CPEB4: variants seen among roughly 807,000 people sequenced by gnomAD.
CPEB4 encodes cytoplasmic polyadenylation element-binding protein 4.
A neutral mutation model predicts 72.5 loss-of-function variants in CPEB4; 12 were observed. The observed-to-expected ratio is 0.17, with a 90% CI of 0.11 to 0.27. The LOEUF is 0.27. CPEB4 is among the 10% of genes least tolerant of loss of function. CPEB4 has a pLI of 1.00. For missense variants in CPEB4, 614 were observed against 908.5 expected (o/e 0.68, Z 4.17); for synonymous variants, 302 against 326.3 (o/e 0.93, Z 0.80).
intron 2 of CPEB4, among the ~76,000 whole-genome samples, chr5:173,918,917 T>G (rs546202812): frequency 6.6e-6 from 1 of 152,178 alleles, no homozygotes; most frequent in Non-Finnish European, 1.5e-5. Flanking sequence ...GAAAATCGGT[T>G]ATCGTTTTAT....
chr5:173,952,925 A>G (rs1192928173), intron 8 of CPEB4, among the ~76,000 whole-genome samples, 166 bp from the exon 9 acceptor site: 1 of 152,240 alleles, frequency 6.6e-6, no homozygotes, highest in East Asian at 1.9e-4. Context: ...CAATTAAAAG[A>G]TTAAGGCTTA....
intron 2 of CPEB4, among the ~76,000 whole-genome samples, chr5:173,926,319 T>C (rs1025725530): frequency 1.3e-5 from 2 of 152,250 alleles, no homozygotes; most frequent in African/African-American, 4.8e-5. Flanking sequence ...TCTCCTTTTA[T>C]TTTTTGACTT....
intron 2 of CPEB4, among the ~76,000 whole-genome samples, chr5:173,923,243 C>A (rs1037765637): frequency 6.6e-6 from 1 of 152,184 alleles, no homozygotes; most frequent in Non-Finnish European, 1.5e-5. Context: ...CTTCAGTAAA[C>A]AGTTTTAATG....
At chr5:173,898,016 G>T (rs1474997980) in intron 1 of CPEB4, among the ~76,000 whole-genome samples, 1 of 152,112 alleles carries the variant, frequency 6.6e-6, no homozygotes, top group Non-Finnish European at 1.5e-5. Flanking sequence ...TTTACAAATG[G>T]AATTATTCAA....
At chr5:173,911,330 C>T (rs187540348) in intron 2 of CPEB4, among the ~76,000 whole-genome samples, 46 of 150,216 alleles carry the variant, frequency 3.1e-4, no homozygotes, top group Non-Finnish European at 3.0e-5. Flanking sequence ...AGTGCAGTGG[C>T]GTGATCACTG....
intron 2 of CPEB4, among the ~76,000 whole-genome samples, chr5:173,920,277 T>A (rs1176842847): frequency 3.3e-5 from 5 of 152,216 alleles, no homozygotes; most frequent in African/African-American, 1.2e-4. Flanking sequence ...TGCCAGTTGC[T>A]GTGTATTGGA....
At chr5:173,911,265 G>A (rs1456895161) in intron 2 of CPEB4, among the ~76,000 whole-genome samples, 1 of 151,118 alleles carries the variant, frequency 6.6e-6, no homozygotes, top group Non-Finnish European at 1.5e-5. Flanking sequence ...TGGGGTGCGG[G>A]CTTGCATGTT....
chr5:173,894,394 G>A (rs546564235), intron 1 of CPEB4, among the ~76,000 whole-genome samples: 1 of 152,164 alleles, frequency 6.6e-6, no homozygotes, highest in Non-Finnish European at 1.5e-5. Context: ...GCTGAAGTGG[G>A]CGGATCACTT....
In CPEB4 at chr5:173,890,743, A is replaced by C; in HGVS notation, c.1010A>C (p.Asn337Thr). 6.2e-7 allele frequency: 1 copy of C among 1,614,068 alleles called. No individual in the cohort carries two copies. The highest frequency in any genetic ancestry group is 1.1e-5 in the South Asian group (1 of 91,086). Residue 337 changes from asparagine (N) to threonine (T), a missense_variant, in exon 1 of 10, where the codon AAT (asparagine) becomes ACT (threonine). Coordinates refer to ENST00000265085, the MANE Select transcript of CPEB4 (RefSeq NM_030627.4). ...AACTCCATCTCGCCTTTGAAGAAAA[A>C]TTTTGCAAGCAATCATATTCAGCTC... is the stretch of plus-strand genomic sequence containing the variant. ...PLNSISPLKK[N>T]FASNHIQLQK...
intron 2 of CPEB4, among the ~76,000 whole-genome samples, chr5:173,916,834 T>A (rs1756886166): frequency 6.6e-6 from 1 of 152,238 alleles, no homozygotes; most frequent in Non-Finnish European, 1.5e-5. Flanking sequence ...ATAAAAGTTT[T>A]TTTTATATCA....
chr5:173,912,924 A>AAAG (rs985934488), intron 2 of CPEB4, among the ~76,000 whole-genome samples: 7 of 151,398 alleles, frequency 4.6e-5, no homozygotes, highest in African/African-American at 1.5e-4. Context: ...GTCTCAAAAA[A>AAAG]AAAAAAAAAA....
At chr5:173,943,811 T>A (rs911221606) in intron 4 of CPEB4, among the ~76,000 whole-genome samples, 2 of 152,228 alleles carry the variant, frequency 1.3e-5, no homozygotes, top group Admixed American at 1.3e-4. Flanking sequence ...TGTTTAGTAA[T>A]AGAAATTGAA....
At chr5:173,933,645 G>GAT (rs563402406) in intron 3 of CPEB4, among the ~76,000 whole-genome samples, 68 of 152,166 alleles carry the variant, frequency 4.5e-4, no homozygotes, top group Non-Finnish European at 8.5e-4. Flanking sequence ...GAACATAAGG[G>GAT]ATATATATAT....
intron 1 of CPEB4, chr5:173,893,237 T>A (rs1400116460): frequency 6.6e-6 from 1 of 152,244 alleles, no homozygotes; most frequent in Non-Finnish European, 1.5e-5. Context: ...TTCTTTTTGC[T>A]TTTTAAAAAC....
rs1165784046 is a variant in CPEB4, at chr5:173,932,490, G to C, written c.1248G>C (p.Leu416=). 8 of 1,611,776 alleles carry C rather than the reference G, an allele frequency of 5.0e-6. No homozygotes were observed. The highest frequency in any genetic ancestry group is 6.8e-6 in the Non-Finnish European group (8 of 1,178,702). ...CATATCCAGGATCCGATAGCTCTCT[G>C]CTTATTAATGGTAAGTGATAATTGA... The part of the protein sequence containing the change: ...NYSYPGSDSS[L]LINARTYGRR... The change falls in exon 3 of 10, where the codon CTG becomes CTC. Residue 416 remains leucine (L), a synonymous_variant. Transcript: ENST00000265085.
chr5:173,927,948 A>G (rs1409615989), intron 2 of CPEB4, among the ~76,000 whole-genome samples: 1 of 152,232 alleles, frequency 6.6e-6, no homozygotes, highest in Non-Finnish European at 1.5e-5. Context: ...CCATCCAAAC[A>G]ATGGACTATT....
In CPEB4 at chr5:173,959,224, G is replaced by T. The variant is rs1216507216; in HGVS notation, c.*3087G>T. On this transcript the variant is annotated 3_prime_UTR_variant, in exon 10 of 10. Coordinates refer to ENST00000265085, the MANE Select transcript of CPEB4 (RefSeq NM_030627.4). ...GCGCCAGCCATGTACTTACAATGTAGTTACAGAGTAATTACATGGTGATTT... is the reference window on the plus strand; with the variant it reads ...GCGCCAGCCATGTACTTACAATGTATTTACAGAGTAATTACATGGTGATTT... The T allele has an allele frequency of 6.5e-6, 1 of 152,760 alleles. No individual in the cohort carries two copies. The highest frequency in any genetic ancestry group is 1.5e-5 in the Non-Finnish European group (1 of 68,026). The allele number at this position is 152,760 out of a possible 1,614,324, so 9.5% of individuals were successfully genotyped here.
chr5:173,949,650 G>A, intron 6 of CPEB4, 53 bp downstream of exon 6: 4 of 1,248,102 alleles, frequency 3.2e-6, no homozygotes, highest in Admixed American at 2.0e-5. Flanking sequence ...ATTGTTTAAT[G>A]TGTAGCCTTT....
chr5:173,922,341 C>G (rs1757102168), intron 2 of CPEB4, among the ~76,000 whole-genome samples: 1 of 152,120 alleles, frequency 6.6e-6, no homozygotes, highest in Admixed American at 6.6e-5. Flanking sequence ...AACGCTCCTC[C>G]CACTTCAGCC....
Sources: gnomAD v4.1 joint callset for allele counts (sites outside exome capture counted in the v4.1 genomes callset) on GRCh38, gnomAD v4.1.1 for gene constraint, MANE v1.5 for transcripts, NCBI Gene and HGNC (gene_info 2026-07-23, HGNC 2026-07-21) for gene names.